COL13A1: variants seen among roughly 807,000 people sequenced by gnomAD.
The protein encoded by COL13A1 is collagen alpha-1(XIII) chain.
COL13A1 carries 89 observed loss-of-function variants against 130.9 expected under a neutral mutation model. That is an observed-to-expected ratio of 0.68 (90% CI 0.57 to 0.81). COL13A1 has a LOEUF of 0.81. Ranked by LOEUF, COL13A1 falls within the 30% of genes least tolerant of loss-of-function variation. The pLI, the probability that COL13A1 is intolerant of heterozygous loss-of-function variation, is 0.00. For synonymous variants in COL13A1, 402 were observed against 341.6 expected, an observed-to-expected ratio of 1.18 and a Z score of -1.95; for missense variants, 879 against 934.6, an observed-to-expected ratio of 0.94 and a Z score of 0.78.
chr10:69,937,769 G>A, intron 34 of COL13A1, 54 bp downstream of exon 34: 1 of 799,748 alleles, frequency 1.3e-6, no homozygotes, highest in Non-Finnish European at 2.2e-6. Context: ...AGGGGTGTGG[G>A]CTGGGACTGG....
chr10:69,880,034 G>A (rs999224009), intron 6 of COL13A1, among the ~76,000 whole-genome samples: 8 of 152,234 alleles, frequency 5.3e-5, no homozygotes, highest in African/African-American at 7.2e-5. Context: ...GGGTATTTGC[G>A]GAGGGGGAGC....
chr10:69,933,383 AGT>A (rs2066414458), intron 31 of COL13A1, among the ~76,000 whole-genome samples: 1 of 152,168 alleles, frequency 6.6e-6, no homozygotes, highest in Non-Finnish European at 1.5e-5. Context: ...AGAATGGCTG[AGT>A]GAGAATAGTC....
At chr10:69,885,112 A>G in intron 7 of COL13A1, among the ~76,000 whole-genome samples, 1 of 152,262 alleles carries the variant, frequency 6.6e-6, no homozygotes, top group East Asian at 1.9e-4. Flanking sequence ...AGGACAAAGC[A>G]TGAGTGAACA....
At chr10:69,937,312 C>T (rs960230442) in intron 33 of COL13A1, among the ~76,000 whole-genome samples, 4 of 152,326 alleles carry the variant, frequency 2.6e-5, no homozygotes, top group African/African-American at 9.6e-5. Context: ...GGTAGCATCT[C>T]AGGCATCTGA....
intron 13 of COL13A1, among the ~76,000 whole-genome samples, chr10:69,896,534 G>C (rs1440296246): frequency 2.6e-5 from 4 of 152,196 alleles, no homozygotes; most frequent in Non-Finnish European, 5.9e-5. Context: ...ACCCCTGCCA[G>C]GCAGGTCCGG....
chr10:69,916,002 G>C (rs2063878239), intron 17 of COL13A1, among the ~76,000 whole-genome samples: 1 of 152,158 alleles, frequency 6.6e-6, no homozygotes, highest in Non-Finnish European at 1.5e-5. Context: ...ATGTTTTAAG[G>C]CAGGGGTCTC....
At chr10:69,868,272 G>C (rs2058722745) in intron 3 of COL13A1, among the ~76,000 whole-genome samples, 1 of 152,308 alleles carries the variant, frequency 6.6e-6, no homozygotes, top group South Asian at 2.1e-4. Context: ...CCTGAGTGGG[G>C]CAGCTCCATT....
rs759183258 is a variant in COL13A1, at chr10:69,887,533, T to C, written c.549+42T>C. ...GAAGTTAGCTGTGTCCCAGGTGGTC[T>C]GTAGGCCTGATTGGGTTAAACTTCA... On this transcript the variant is annotated intron_variant, in intron 8 of 40. Transcript: ENST00000645393. 8 of 1,609,198 alleles carry C rather than the reference T, an allele frequency of 5.0e-6. No homozygotes were observed. In the Admixed American group the frequency reaches 1.3e-4, roughly 27 times the overall value.
chr10:69,823,018 T>G (rs1846512324), intron 2 of COL13A1, among the ~76,000 whole-genome samples: 1 of 152,248 alleles, frequency 6.6e-6, no homozygotes, highest in East Asian at 1.9e-4. Flanking sequence ...TACAGTGAAC[T>G]GGTCTAATCT....
chr10:69,948,087 G>C (rs567939305), intron 38 of COL13A1, among the ~76,000 whole-genome samples: 3 of 152,188 alleles, frequency 2.0e-5, no homozygotes, highest in South Asian at 2.1e-4. Flanking sequence ...TTCCTGGAGT[G>C]GGGGGCACAC....
At chr10:69,910,604 C>A (rs766591861) in intron 17 of COL13A1, among the ~76,000 whole-genome samples, 2 of 152,240 alleles carry the variant, frequency 1.3e-5, no homozygotes, top group Non-Finnish European at 2.9e-5. Flanking sequence ...GGCCAGCAGC[C>A]CCTGTGCTGC....
At position 69,802,697 on chromosome 10, in the gene COL13A1, G is replaced by C; in HGVS notation, c.274G>C (p.Val92Leu). 2 of 1,612,542 alleles carry C rather than the reference G, an allele frequency of 1.2e-6. No individual in the cohort carries two copies. The highest frequency in any genetic ancestry group is 1.1e-5 in the South Asian group (1 of 91,056). The change falls in exon 1 of 41, where the codon GTC becomes CTC. Residue 92 changes from valine to leucine, a missense_variant. This residue lies in a region of COL13A1 where 715 missense variants were observed against 721.0 expected (regional missense o/e 0.99). Coordinates refer to ENST00000645393, the MANE Select transcript of COL13A1 (RefSeq NM_001368882.1). ...AATGGAGACGGCTATTTTGGGACGA[G>C]TCAATCAACTGCTGGACGAGGTCTG... ...QQMETAILGR[V>L]NQLLDEKWKL...
rs61286376 is a variant in COL13A1, at chr10:69,911,561, G to A, written c.922-5728G>A. On this transcript the variant is annotated intron_variant, in intron 17 of 40. Coordinates refer to ENST00000645393, the MANE Select transcript of COL13A1 (RefSeq NM_001368882.1). ...TATCTGCCTCTTAGCAGCCCTGGGG[G>A]ACCCCATGATGATTTCCAGTAGACC... 5.2e-3 allele frequency among the ~76,000 whole-genome samples: 786 copies of A among 152,312 alleles called. 9 individuals carry two copies. The highest frequency in any genetic ancestry group is 0.019 in the African/African-American group (769 of 41,558).
intron 2 of COL13A1, among the ~76,000 whole-genome samples, chr10:69,830,230 TTCTGAGAGAAATGCTCG>T (rs1848492285): frequency 6.6e-6 from 1 of 152,222 alleles, no homozygotes; most frequent in African/African-American, 2.4e-5. Context: ...TCCTAGGCAC[TTCTGAGAGAAATGCTCG>T]TCTGTGCGTA....
chr10:69,928,847 T>C, intron 27 of COL13A1, 90 bp from the exon 28 acceptor site: 3 of 938,610 alleles, frequency 3.2e-6, no homozygotes, highest in Non-Finnish European at 5.0e-6. Flanking sequence ...AACTTATCTG[T>C]ACAAGCCAGC....
At chr10:69,894,511 T>C (rs1390198523) in intron 10 of COL13A1, 41 bp from the exon 11 acceptor site, 2 of 1,612,436 alleles carry the variant, frequency 1.2e-6, no homozygotes, top group South Asian at 2.2e-5. Flanking sequence ...ATTGCCTGTC[T>C]TCTGTCTGCC....
chr10:69,858,374 A>G (rs772972208), intron 2 of COL13A1, among the ~76,000 whole-genome samples: 9 of 152,192 alleles, frequency 5.9e-5, no homozygotes, highest in Non-Finnish European at 1.2e-4. Context: ...TATTACCCCC[A>G]TTTTATAGAG....
chr10:69,826,720 AG>A (rs1044379779), intron 2 of COL13A1, among the ~76,000 whole-genome samples: 9 of 152,214 alleles, frequency 5.9e-5, no homozygotes, highest in African/African-American at 2.2e-4. Context: ...ACACCATAAC[AG>A]GAGACCCCCC....
chr10:69,932,570 G>T lies in COL13A1; in HGVS notation c.1694G>T (p.Gly565Val). Residue 565 changes from glycine (G) to valine (V), a missense_variant, in exon 31 of 41, where the codon GGA becomes GTA. By Grantham distance (109) the Gly-to-Val change is moderately radical (BLOSUM62 -3). Transcript: ENST00000645393. ...TGQAGSPGEK[G>V]EAGEKGNPGA... ...GTTTTGTGCCCACAGGGAGAGAAAG[G>T]AGAAGCCGGGGAGAAGGGCAATCCA... 6.2e-7 allele frequency: 1 copy of T among 1,612,282 alleles called. No individual in the cohort carries two copies. Among genetic ancestry groups the T allele is most frequent in the South Asian group, 1.1e-5 (1 of 90,896 alleles).
Sources: allele counts gnomAD v4.1 joint callset (sites outside exome capture counted in the v4.1 genomes callset), GRCh38; gene constraint gnomAD v4.1.1; regional missense constraint gnomAD v4.1.1; transcripts MANE v1.5; gene names NCBI Gene and HGNC (gene_info 2026-07-23, HGNC 2026-07-21).